The following CAMTA1 variants were observed in gnomAD, a reference collection of about 807,000 sequenced individuals.
CAMTA1 encodes the protein calmodulin binding transcription activator 1, also known as calmodulin-binding transcription activator 1.
Under a neutral mutation model 170.9 loss-of-function variants are expected in CAMTA1, and 27 were observed. The ratio of observed to expected loss-of-function variants is 0.16; its 90% confidence interval spans 0.12 to 0.22. The LOEUF (loss-of-function observed/expected upper bound fraction) is 0.22. Ranked by LOEUF, CAMTA1 falls within the 10% of genes least tolerant of loss-of-function variation. CAMTA1 has a pLI of 1.00. For synonymous variants in CAMTA1, 833 were observed against 891.5 expected, an observed-to-expected ratio of 0.93 and a Z score of 1.17; for missense variants, 1,619 against 2,217.2, an observed-to-expected ratio of 0.73 and a Z score of 5.42.
At chr1:7,594,060 A>AGAGG (rs1484374314) in intron 6 of CAMTA1, among the ~76,000 whole-genome samples, 19 of 135,618 alleles carry the variant, frequency 1.4e-4, no homozygotes, top group African/African-American at 4.4e-4. Context: ...AGAGAAAGAG[A>AGAGG]GAGGGAGGGA....
chr1:7,721,927 A>C (rs1426766619), intron 11 of CAMTA1, among the ~76,000 whole-genome samples: 1 of 152,014 alleles, frequency 6.6e-6, no homozygotes, highest in Non-Finnish European at 1.5e-5. Context: ...GGAGGGACTT[A>C]ATTTTTTAAA....
At chr1:7,270,298 T>A (rs1402769516) in intron 5 of CAMTA1, among the ~76,000 whole-genome samples, 3 of 146,368 alleles carry the variant, frequency 2.0e-5, no homozygotes, top group East Asian at 3.9e-4. Context: ...TATATTTTTT[T>A]TTTTTTTTCT....
At chr1:6,931,893 A>G (rs941196443) in intron 3 of CAMTA1, among the ~76,000 whole-genome samples, 1 of 152,176 alleles carries the variant, frequency 6.6e-6, no homozygotes, top group African/African-American at 2.4e-5. Context: ...CTTTTCTACC[A>G]TCGGTCACAG....
intron 6 of CAMTA1, among the ~76,000 whole-genome samples, chr1:7,606,406 G>T (rs149603896): frequency 2.7e-4 from 41 of 152,278 alleles, no homozygotes; most frequent in Admixed American, 1.1e-3. Flanking sequence ...ATCAATTCTC[G>T]TGCTTTTATC....
chr1:7,658,680 C>T (rs566543346), intron 7 of CAMTA1, among the ~76,000 whole-genome samples: 6 of 152,296 alleles, frequency 3.9e-5, no homozygotes, highest in Admixed American at 2.0e-4. Flanking sequence ...GCCAGAGAGC[C>T]TGTGACCCCT....
intron 5 of CAMTA1, among the ~76,000 whole-genome samples, chr1:7,313,436 C>T (rs1392382106): frequency 1.3e-5 from 2 of 152,204 alleles, no homozygotes. Context: ...GAACTGCACT[C>T]CACGGCTTTG....
At chr1:6,884,744 T>C (rs950493) in intron 3 of CAMTA1, among the ~76,000 whole-genome samples, 28,462 of 152,124 alleles carry the variant, frequency 0.19, 2,874 homozygotes, top group East Asian at 0.28. Context: ...GAAGGAATAA[T>C]TACTTGTTCA....
chr1:6,988,174 TG>T (rs1486506389), intron 3 of CAMTA1, among the ~76,000 whole-genome samples: 1 of 152,118 alleles, frequency 6.6e-6, no homozygotes, highest in Non-Finnish European at 1.5e-5. Context: ...AATGAATCCA[TG>T]GGGACCCCCA....
At chr1:6,924,807 C>G (rs1312390270) in intron 3 of CAMTA1, among the ~76,000 whole-genome samples, 2 of 152,200 alleles carry the variant, frequency 1.3e-5, no homozygotes, top group Admixed American at 6.5e-5. Context: ...GGGAATCTAG[C>G]ACTTCGGAAT....
intron 3 of CAMTA1, among the ~76,000 whole-genome samples, chr1:6,919,983 T>G (rs541859073): frequency 6.6e-6 from 1 of 152,208 alleles, no homozygotes; most frequent in East Asian, 1.9e-4. Flanking sequence ...ATTCCTCCCC[T>G]GGTCCCTCCC....
chr1:7,718,236 TGTTCCGTAAACACAGTGGGC>T (rs1168713406), intron 11 of CAMTA1, among the ~76,000 whole-genome samples: 1 of 144,362 alleles, frequency 6.9e-6, no homozygotes, highest in East Asian at 1.9e-4. Context: ...ACACAGTGGG[TGTTCCGTAAACACAGTGGGC>T]GTTCCGTAAA....
intron 11 of CAMTA1, among the ~76,000 whole-genome samples, chr1:7,687,760 G>T (rs1445692456): frequency 1.3e-5 from 2 of 152,194 alleles, no homozygotes; most frequent in African/African-American, 4.8e-5. Flanking sequence ...GAGTCCCAGA[G>T]ACAGATTCCT....
intron 4 of CAMTA1, among the ~76,000 whole-genome samples, chr1:7,232,626 G>A (rs912516470): frequency 1.1e-4 from 16 of 152,168 alleles, no homozygotes; most frequent in African/African-American, 3.6e-4. Context: ...ACGGGGCCAG[G>A]CACGTAGGGA....
intron 4 of CAMTA1, among the ~76,000 whole-genome samples, chr1:7,136,481 G>A (rs868356856): frequency 1.8e-4 from 27 of 150,960 alleles, no homozygotes; most frequent in African/African-American, 5.9e-4. Context: ...TCCTATCAGC[G>A]TTCCTATTGT....
intron 5 of CAMTA1, among the ~76,000 whole-genome samples, chr1:7,461,253 TCC>T (rs1221488783): frequency 6.6e-6 from 1 of 152,102 alleles, no homozygotes; most frequent in African/African-American, 2.4e-5. Context: ...GCATACGGAC[TCC>T]CCAAGTCCTC....
At chr1:7,727,702 G>C (rs2096700944) in intron 11 of CAMTA1, among the ~76,000 whole-genome samples, 1 of 152,222 alleles carries the variant, frequency 6.6e-6, no homozygotes, top group South Asian at 2.1e-4. Flanking sequence ...GCAATGCACA[G>C]CTCTCAATTT....
intron 2 of CAMTA1, among the ~76,000 whole-genome samples, chr1:6,823,487 T>C (rs1646755101): frequency 6.6e-6 from 1 of 152,182 alleles, no homozygotes; most frequent in Non-Finnish European, 1.5e-5. Flanking sequence ...ATACTGCTTA[T>C]AGAAATAGAG....
chr1:7,614,354 C>T (rs150775403), intron 6 of CAMTA1, among the ~76,000 whole-genome samples: 1 of 152,042 alleles, frequency 6.6e-6, no homozygotes, highest in Non-Finnish European at 1.5e-5. Flanking sequence ...ATGTCCATCT[C>T]CTGCTCACAC....
intron 5 of CAMTA1, among the ~76,000 whole-genome samples, chr1:7,356,939 A>T (rs930003781): frequency 6.6e-6 from 1 of 152,170 alleles, no homozygotes; most frequent in Non-Finnish European, 1.5e-5. Flanking sequence ...GCTGTGGTTC[A>T]TGTCAGCTGC....
Sources: gnomAD v4.1 joint callset for allele counts (sites outside exome capture counted in the v4.1 genomes callset) on GRCh38, gnomAD v4.1.1 for gene constraint, MANE v1.5 for transcripts, NCBI Gene and HGNC (gene_info 2026-07-23, HGNC 2026-07-21) for gene names.